Variants in SMTN observed in about 807,000 individuals in gnomAD.
SMTN encodes smoothelin.
Under a neutral mutation model 102.0 loss-of-function variants are expected in SMTN, and 58 were observed. The ratio of observed to expected loss-of-function variants is 0.57; its 90% confidence interval spans 0.46 to 0.71. The LOEUF (loss-of-function observed/expected upper bound fraction) is 0.71. Among genes scored for constraint, SMTN ranks in the 30% least tolerant of loss-of-function variants. SMTN has a pLI of 0.00. For synonymous variants in SMTN, 478 were observed against 497.9 expected (o/e 0.96, Z 0.53); for missense variants, 1,185 against 1,241.7 (o/e 0.95, Z 0.69).
intron 20 of SMTN, 33 bp from the exon 21 acceptor site, chr22:31,104,283 G>C: frequency 6.2e-7 from 1 of 1,607,558 alleles, no homozygotes; most frequent in Non-Finnish European, 8.5e-7. Context: ...CGGGTCTGGC[G>C]CTGACATCCA....
At chr22:31,101,106 C>T in intron 20 of SMTN, 57 bp downstream of exon 20, 1 of 1,500,412 alleles carries the variant, frequency 6.7e-7, no homozygotes, top group Admixed American at 2.0e-5. Context: ...CTCAGCAAGG[C>T]CAGAGAGGGT....
rs1259407520 is a variant in SMTN at position 31,089,950 on chromosome 22, C to A, written c.723C>A (p.Pro241=). The change falls in exon 7 of 21, where the codon CCC becomes CCA. Residue 241 remains proline, a synonymous_variant. Coordinates refer to ENST00000333137, the MANE Select transcript of SMTN (RefSeq NM_134269.3). The part of the protein sequence containing the change: ...PGSPEPPPSP[P]KTTSPEPQES... The stretch of plus-strand genomic sequence containing the variant: ...GCCCAGAGCCACCCCCCAGCCCACC[C>A]AAGACCACCAGCCCTGAGCCTCAGG... The A allele has an allele frequency of 6.3e-7, 1 of 1,599,964 alleles. No individual in the cohort carries two copies. Among genetic ancestry groups the A allele is most frequent in the Non-Finnish European group, 8.5e-7 (1 of 1,173,212 alleles).
chr22:31,101,951 A>T (rs747304318), intron 20 of SMTN: 3 of 152,330 alleles, frequency 2.0e-5, no homozygotes, highest in Non-Finnish European at 4.4e-5. Context: ...CTTAAGAGCT[A>T]GAGAGACAGG....
In SMTN at chr22:31,090,858, C is replaced by T. The variant is rs558488485; in HGVS notation, c.916C>T (p.Arg306Cys). Residue 306 changes from arginine to cysteine, a missense_variant, in exon 9 of 21, where the codon CGC becomes TGC. Arg to Cys is a radical substitution (Grantham distance 180). Transcript: ENST00000333137. The stretch of plus-strand genomic sequence containing the variant: ...ACGCTCCCTGTCGGTGCTCAGCCCC[C>T]GCCAACCAGCCCAGAACCGAGGTAC... The part of the protein sequence containing the change: ...CQRSLSVLSP[R>C]QPAQNRESTP... The T allele has an allele frequency of 1.2e-5, 19 of 1,614,008 alleles. No individual in the cohort carries two copies. The highest frequency in any genetic ancestry group is 6.7e-5 in the African/African-American group (5 of 74,998).
intron 2 of SMTN, chr22:31,085,089 C>T (rs750413781): frequency 2.0e-6 from 3 of 1,534,634 alleles, no homozygotes; most frequent in South Asian, 2.4e-5. Flanking sequence ...GGAATGGGGA[C>T]GCCTGGGGAC....
intron 19 of SMTN, 66 bp from the exon 20 acceptor site, chr22:31,100,819 C>T: frequency 2.6e-6 from 2 of 782,618 alleles, no homozygotes; most frequent in Non-Finnish European, 4.3e-6. Context: ...TCCCTCTCTT[C>T]CCCACCCGGG....
At chr22:31,096,959 CT>C (rs2043639383) in intron 14 of SMTN, 38 bp from the exon 15 acceptor site, 1 of 1,613,692 alleles carries the variant, frequency 6.2e-7, no homozygotes, top group South Asian at 1.1e-5. Context: ...CCCCAGCCCC[CT>C]GTGCCTTTCA....
Position 31,090,187 on chromosome 22 carries a change from G to T in SMTN, c.865+7G>T, listed in dbSNP as rs376117447. ...TCTGACACCAAGAGAGCAGGTGAGG[G>T]TCCCAGCAGGGGTAGTCACAGGCAT... On this transcript the variant is annotated splice_region_variant and intron_variant, in intron 8 of 20. Transcript: ENST00000333137. 42 of 1,606,180 alleles carry T rather than the reference G, an allele frequency of 2.6e-5. No individual in the cohort carries two copies. In the African/African-American group the frequency reaches 5.2e-4, roughly 20 times the overall value.
rs767834485 is a variant in SMTN, at chr22:31,088,016, C to T, written c.103C>T (p.Arg35Trp). ...GCGGCGGCGCATCCGCTCAGCCATC[C>T]GGGAACTGCAGCGGCAGGAGCTGGA... is the stretch of plus-strand genomic sequence containing the variant. ...AERRRIRSAI[R>W]ELQRQELERE... Residue 35 changes from arginine to tryptophan, a missense_variant, in exon 3 of 21, where the codon CGG (arginine) becomes TGG (tryptophan). Transcript: ENST00000333137. The T allele has an allele frequency of 8.9e-5, 144 of 1,611,664 alleles. No individual in the cohort carries two copies. Among genetic ancestry groups the T allele is most frequent in the South Asian group, 2.5e-4 (23 of 91,034 alleles).
chr22:31,065,668 T>C (rs2041831536), intron 1 of SMTN: 1 of 151,406 alleles, frequency 6.6e-6, no homozygotes, highest in African/African-American at 2.4e-5. Context: ...TTTTTTTAAG[T>C]GCTGTCAAAT....
At chr22:31,076,161 G>A (rs1465900481) in intron 1 of SMTN, among the ~76,000 whole-genome samples, 3 of 152,276 alleles carry the variant, frequency 2.0e-5, no homozygotes, top group Middle Eastern at 3.4e-3. Flanking sequence ...CAGCCGCCAC[G>A]TCTACACTTG....
In SMTN at chr22:31,099,078, C is replaced by T; in HGVS notation, c.2350C>T (p.Arg784Cys). The T allele has an allele frequency of 1.2e-6, 2 of 1,612,252 alleles. No individual in the cohort carries two copies. The highest frequency in any genetic ancestry group is 8.5e-7 in the Non-Finnish European group (1 of 1,179,894). Residue 784 changes from arginine to cysteine, a missense_variant, in exon 18 of 21, where the codon CGC (arginine) becomes TGC (cysteine). Transcript: ENST00000333137. ...EGAAGSPGGP[R>C]AAVQRSTSFG... ...CCCCTACAGCAGCCCTGGCGGACCCCGCGCAGCCGTGCAGCGATCCACCAG... is the reference window on the plus strand; with the variant it reads ...CCCCTACAGCAGCCCTGGCGGACCCTGCGCAGCCGTGCAGCGATCCACCAG...
At chr22:31,099,634 CG>C in intron 18 of SMTN, 110 bp from the exon 19 acceptor site, 1 of 1,157,558 alleles carries the variant, frequency 8.6e-7, no homozygotes. Context: ...GTGCAAGCTA[CG>C]GGGCCTCTTT....
At chr22:31,068,935 T>A (rs1473204653) in intron 1 of SMTN, among the ~76,000 whole-genome samples, 1 of 152,148 alleles carries the variant, frequency 6.6e-6, no homozygotes, top group African/African-American at 2.4e-5. Context: ...AGAGTGAAGA[T>A]GTGGTTGAAG....
At chr22:31,097,233 A>C in intron 15 of SMTN, 36 bp from the exon 16 acceptor site, 1 of 1,607,842 alleles carries the variant, frequency 6.2e-7, no homozygotes, top group Non-Finnish European at 8.5e-7. Flanking sequence ...TGTCCAGCCC[A>C]GGCCCTCACC....
chr22:31,095,495 A>G lies in SMTN; in HGVS notation c.1786-39A>G, dbSNP rs1156538637. 1.9e-6 allele frequency: 3 copies of G among 1,614,112 alleles called. No homozygotes were observed. Among genetic ancestry groups the G allele is most frequent in the African/African-American group, 2.7e-5 (2 of 74,956 alleles). On this transcript the variant is annotated intron_variant, in intron 12 of 20. Coordinates refer to ENST00000333137, the MANE Select transcript of SMTN (RefSeq NM_134269.3). The surrounding 1 kb of genome is among the most constrained non-coding windows in gnomAD (Gnocchi z 4.1). ...GGTGGGCTGGGGGTTGGCAGAGGCC[A>G]GCAGGCACCAGGTAGGCAATGATGG...
rs751896728 is a variant in SMTN at position 31,104,467 on chromosome 22, C to A, written c.*172C>A. 3.3e-5 allele frequency: 54 copies of A among 1,612,298 alleles called. No homozygotes were observed. The Middle Eastern group carries it at 6.6e-4, about 20-fold the overall frequency. On this transcript the variant is annotated 3_prime_UTR_variant, in exon 21 of 21. Transcript: ENST00000333137. ...GCGCCTGCGCGGCAAGAATGTCTAGCCTGCCCGCCCGCATGGCCAGCCAGT... is the reference window on the plus strand; with the variant it reads ...GCGCCTGCGCGGCAAGAATGTCTAGACTGCCCGCCCGCATGGCCAGCCAGT...
chr22:31,074,241 T>C (rs1455354375), intron 1 of SMTN, among the ~76,000 whole-genome samples: 1 of 151,408 alleles, frequency 6.6e-6, no homozygotes, highest in Non-Finnish European at 1.5e-5. Context: ...TAGTCAGGTG[T>C]GGTGGTGAGT....
Position 31,104,595 on chromosome 22 carries a change from G to T in SMTN, c.*300G>T. The T allele has an allele frequency of 1.1e-6, 1 of 901,626 alleles. No homozygotes were observed. Among genetic ancestry groups the T allele is most frequent in the South Asian group, 1.5e-5 (1 of 65,846 alleles). 55.9% of individuals were successfully genotyped at this position (901,626 alleles called of 1,614,324 possible). A position where few individuals can be genotyped will look rare whatever the true frequency, so the allele number is the denominator to read the frequency against. On this transcript the variant is annotated 3_prime_UTR_variant, in exon 21 of 21. Coordinates refer to ENST00000333137, the MANE Select transcript of SMTN (RefSeq NM_134269.3). ...ACCCTCCCCCCCACATACACACGCA[G>T]CGTTTTGATAAATTATTGGTTTTCA...
Sources: gnomAD v4.1 joint callset for allele counts (sites outside exome capture counted in the v4.1 genomes callset) on GRCh38, gnomAD v4.1.1 for gene constraint, Gnocchi (gnomAD v3.1) non-coding constraint, MANE v1.5 for transcripts, NCBI Gene and HGNC (gene_info 2026-07-23, HGNC 2026-07-21) for gene names.